ZNF516: variants seen among roughly 807,000 people sequenced by gnomAD.
ZNF516 encodes zinc finger protein 516.
Under a neutral mutation model 79.7 loss-of-function variants are expected in ZNF516, and 19 were observed. The ratio of observed to expected loss-of-function variants is 0.24; its 90% CI spans 0.17 to 0.35. ZNF516 has a LOEUF of 0.35. Ranked by LOEUF, ZNF516 falls within the 10% of genes least tolerant of loss-of-function variation. The probability of loss-of-function intolerance (pLI) is 1.00; values close to 1 mark genes in which losing one functional copy is unlikely to be tolerated. For synonymous variants in ZNF516, 877 were observed against 739.5 expected (o/e 1.19, Z -3.02); for missense variants, 1,678 against 1,679.5 (o/e 1.00, Z 0.02).
chr18:76,404,508 CATGT>C (rs1401092666), intron 3 of ZNF516, among the ~76,000 whole-genome samples: 5 of 151,498 alleles, frequency 3.3e-5, no homozygotes, highest in Non-Finnish European at 5.9e-5. Flanking sequence ...CATGTGTGTG[CATGT>C]GACTGCACAA....
intron 3 of ZNF516, among the ~76,000 whole-genome samples, chr18:76,389,912 C>T (rs2075047179): frequency 6.6e-6 from 1 of 152,164 alleles, no homozygotes; most frequent in African/African-American, 2.4e-5. Flanking sequence ...GTCACATGAC[C>T]TCACCTGTGG....
In ZNF516 at chr18:76,398,565, G is replaced by A. The variant is rs570512606; in HGVS notation, c.1811-18262C>T. On this transcript the variant is annotated intron_variant, in intron 3 of 6. Coordinates refer to ENST00000443185, the MANE Select transcript of ZNF516 (RefSeq NM_014643.4). ...TAGAATGAAAATAAGGAAGCTTAGA[G>A]TAAGGAGGAGAGCAGGAAAGCCAGG... 3.3e-5 allele frequency among the ~76,000 whole-genome samples: 5 copies of A among 152,302 alleles called. No individual in the cohort carries two copies. The East Asian group carries it at 9.7e-4, about 29-fold the overall frequency.
At position 76,368,319 on chromosome 18, in the gene ZNF516, T is replaced by G. The variant is rs1175388753; in HGVS notation, c.3432+2209A>C. Among the ~76,000 whole-genome samples, 3 of 152,244 alleles carry G rather than the reference T, an allele frequency of 2.0e-5. No individual in the cohort carries two copies. The East Asian group carries it at 5.8e-4, about 29-fold the overall frequency. On this transcript the variant is annotated intron_variant, in intron 6 of 6. Transcript: ENST00000443185. The stretch of plus-strand genomic sequence containing the variant: ...CAAAGTACGTTAAGGAAAATGGAAT[T>G]TCCTTAGAGAACTCTGCAGAGCATT...
Position 76,451,329 on chromosome 18 carries a change from C to T in ZNF516, c.-157-8118G>A, listed in dbSNP as rs1480592595. On this transcript the variant is annotated intron_variant, in intron 2 of 6. Transcript: ENST00000443185. The surrounding 1 kb of genome is among the most constrained non-coding windows in gnomAD (Gnocchi z 6.0). Reference sequence around the variant, plus strand: ...CCGGGGGCGGGGGGGGCACCGATGTCAGCCCGGGATGGATGTCCGCGGGTG... The same window carrying T: ...CCGGGGGCGGGGGGGGCACCGATGTTAGCCCGGGATGGATGTCCGCGGGTG... Among the ~76,000 whole-genome samples the T allele has an allele frequency of 6.6e-6, 1 of 152,194 alleles. No homozygotes were observed. Among genetic ancestry groups the T allele is most frequent in the Non-Finnish European group, 1.5e-5 (1 of 68,040 alleles).
At chr18:76,378,170 G>T (rs1273904511) in intron 4 of ZNF516, 1 of 152,254 alleles carries the variant, frequency 6.6e-6, no homozygotes, top group African/African-American at 2.4e-5. Context: ...GGCACCGCAT[G>T]CAGTGCGCGT....
At chr18:76,426,476 A>G (rs2075593998) in intron 3 of ZNF516, among the ~76,000 whole-genome samples, 1 of 152,272 alleles carries the variant, frequency 6.6e-6, no homozygotes, top group Non-Finnish European at 1.5e-5. Flanking sequence ...CAGATAAATA[A>G]CAAATGAATC....
In ZNF516 at chr18:76,358,325, T is replaced by G. The variant is rs1426421598; in HGVS notation, c.*4173A>C. On this transcript the variant is annotated 3_prime_UTR_variant, in exon 7 of 7. Transcript: ENST00000443185. ...TTAAATACATCAATCTAGTTACAAATTCTAATATAAAGAGTACAAAATATA... is the reference window on the plus strand; with the variant it reads ...TTAAATACATCAATCTAGTTACAAAGTCTAATATAAAGAGTACAAAATATA... 1.3e-5 allele frequency: 2 copies of G among 152,256 alleles called. No homozygotes were observed. The highest frequency in any genetic ancestry group is 2.9e-5 in the Non-Finnish European group (2 of 68,046). The allele number at this position is 152,256 out of a possible 1,614,324, so 9.4% of individuals were successfully genotyped here.
At chr18:76,362,630 T>C in intron 6 of ZNF516, 73 bp from the exon 7 acceptor site, 1 of 1,446,248 alleles carries the variant, frequency 6.9e-7, no homozygotes, top group Non-Finnish European at 9.6e-7. Context: ...ATTTTTCCTA[T>C]TAATTTTCTA....
At chr18:76,496,201 G>A (rs1170972127), upstream of ZNF516, 5 of 1,193,928 alleles carry the variant, frequency 4.2e-6, no homozygotes. Context: ...TAGCGAGGGC[G>A]AGCGCCCCTT....
intron 3 of ZNF516, among the ~76,000 whole-genome samples, chr18:76,437,929 G>C (rs923159458): frequency 1.3e-5 from 2 of 152,230 alleles, no homozygotes; most frequent in South Asian, 4.1e-4. Context: ...AAACTTGAGG[G>C]TGTCCCATCT....
intron 1 of ZNF516, among the ~76,000 whole-genome samples, chr18:76,483,289 A>G (rs976629916): frequency 1.4e-4 from 22 of 152,260 alleles, no homozygotes; most frequent in African/African-American, 5.1e-4. Context: ...CATTGGAAAG[A>G]AAGGAGGAGA....
At chr18:76,399,447 G>A (rs936101950) in intron 3 of ZNF516, among the ~76,000 whole-genome samples, 3 of 152,180 alleles carry the variant, frequency 2.0e-5, no homozygotes, top group African/African-American at 7.2e-5. Context: ...ATTACATGTG[G>A]GGGATTATAT....
chr18:76,388,668 G>A (rs368365201), intron 3 of ZNF516: 2 of 152,230 alleles, frequency 1.3e-5, no homozygotes, highest in Non-Finnish European at 1.5e-5. Context: ...AGAAGTTTTC[G>A]ATGAGATGCA....
chr18:76,428,863 T>C (rs1407237441), intron 3 of ZNF516, among the ~76,000 whole-genome samples: 2 of 152,244 alleles, frequency 1.3e-5, no homozygotes, highest in Non-Finnish European at 2.9e-5. Flanking sequence ...GATGTGTGGA[T>C]GTTCTAAAGG....
chr18:76,479,191 G>A (rs548259330), intron 1 of ZNF516, among the ~76,000 whole-genome samples: 4 of 152,204 alleles, frequency 2.6e-5, no homozygotes, highest in Non-Finnish European at 4.4e-5. Flanking sequence ...ACATGACTTC[G>A]GGATGTTTGA....
chr18:76,481,053 A>G (rs1914496571), intron 1 of ZNF516, among the ~76,000 whole-genome samples: 1 of 152,166 alleles, frequency 6.6e-6, no homozygotes, highest in Non-Finnish European at 1.5e-5. Flanking sequence ...ATACAGACCC[A>G]GGTTTCTGAG....
At chr18:76,421,301 G>A (rs187081353) in intron 3 of ZNF516, among the ~76,000 whole-genome samples, 6 of 152,324 alleles carry the variant, frequency 3.9e-5, no homozygotes, top group Admixed American at 1.3e-4. Flanking sequence ...CAGGGCAGCT[G>A]AGGCTCCGAG....
chr18:76,437,510 C>A (rs957329151), intron 3 of ZNF516, among the ~76,000 whole-genome samples: 2 of 151,634 alleles, frequency 1.3e-5, no homozygotes, highest in African/African-American at 2.4e-5. Context: ...GGCACTTGTT[C>A]CAAGCACTTT....
intron 2 of ZNF516, among the ~76,000 whole-genome samples, chr18:76,450,191 G>GGGC (rs1382127220): frequency 1.4e-5 from 2 of 139,154 alleles, no homozygotes; most frequent in Non-Finnish European, 3.1e-5. Flanking sequence ...TAAAGGGGGG[G>GGGC]GGGTGTTTAT....
Sources: gnomAD v4.1 joint callset for allele counts (sites outside exome capture counted in the v4.1 genomes callset) on GRCh38, gnomAD v4.1.1 for gene constraint, Gnocchi (gnomAD v3.1) non-coding constraint, MANE v1.5 for transcripts, NCBI Gene and HGNC (gene_info 2026-07-23, HGNC 2026-07-21) for gene names.